Variants in TENM1 observed in about 807,000 individuals in gnomAD.
TENM1 encodes the protein teneurin-1.
In TENM1, 35 loss-of-function variants were observed where a neutral mutation model predicts 174.8. The ratio of observed to expected loss-of-function variants is 0.20; its 90% CI spans 0.15 to 0.27. The LOEUF (loss-of-function observed/expected upper bound fraction) is 0.27, where lower values mean the gene tolerates loss of function less well. Among genes scored for constraint, TENM1 ranks in the 10% least tolerant of loss-of-function variants. The probability of loss-of-function intolerance (pLI) is 1.00; values close to 1 mark genes in which losing one functional copy is unlikely to be tolerated. For missense variants in TENM1, 1,633 were observed against 2,130.1 expected (o/e 0.77, Z 4.59); for synonymous variants, 781 against 798.7 (o/e 0.98, Z 0.37).
chrX:124,876,612 AT>A (rs1408211686), intron 3 of TENM1, among the ~76,000 whole-genome samples: 2 of 112,111 alleles, frequency 1.8e-5, no homozygotes, highest in African/African-American at 6.5e-5. Flanking sequence ...TTTAAGTAGC[AT>A]TGAAATAATG....
the TENM1 span, among the ~76,000 whole-genome samples, chrX:125,147,141 GTA>G: frequency 1.0e-5 from 1 of 97,724 alleles, no homozygotes; most frequent in Non-Finnish European, 2.2e-5. Flanking sequence ...ACATATGTGT[GTA>G]TATATATCAC....
At chrX:124,463,191 G>C (rs772270296) in intron 22 of TENM1, among the ~76,000 whole-genome samples, 16 of 111,686 alleles carry the variant, frequency 1.4e-4, no homozygotes, top group Non-Finnish European at 2.8e-4. Flanking sequence ...AAGTGCCTCA[G>C]GATTTTTTTT....
chrX:124,966,630 C>G (rs2147828785), upstream of TENM1, among the ~76,000 whole-genome samples: 1 of 106,523 alleles, frequency 9.4e-6, no homozygotes, highest in Non-Finnish European at 1.9e-5. Context: ...CCACTGCACT[C>G]CAGCCTGGGC....
chrX:124,834,738 G>T (rs2056359200), intron 3 of TENM1, among the ~76,000 whole-genome samples: 1 of 111,860 alleles, frequency 8.9e-6, no homozygotes, highest in Non-Finnish European at 1.9e-5. Context: ...AGACTCTAAA[G>T]TTCATGCTCA....
At chrX:124,411,575 C>A (rs1440149315) in intron 25 of TENM1, among the ~76,000 whole-genome samples, 1 of 111,571 alleles carries the variant, frequency 9.0e-6, no homozygotes, top group Non-Finnish European at 1.9e-5. Flanking sequence ...TCTGCTAGTT[C>A]ACAGTTAAAG....
At chrX:124,755,386 GCC>G (rs1363311556) in intron 3 of TENM1, among the ~76,000 whole-genome samples, 2 of 111,194 alleles carry the variant, frequency 1.8e-5, no homozygotes, top group Non-Finnish European at 3.8e-5. Flanking sequence ...GTGTGTCTCT[GCC>G]TGTGAGATGG....
chrX:125,163,104 T>C, the TENM1 span, among the ~76,000 whole-genome samples: 1 of 111,754 alleles, frequency 8.9e-6, no homozygotes. Context: ...TTAAATGGTA[T>C]TACTGCCTCT....
chrX:124,415,591 A>G (rs1014245039), intron 25 of TENM1, among the ~76,000 whole-genome samples: 9 of 111,426 alleles, frequency 8.1e-5, no homozygotes, highest in Admixed American at 7.6e-4. Context: ...TTACTTCCCT[A>G]TTCTGGGTTT....
chrX:124,927,157 T>A (rs1376062530), intron 1 of TENM1, among the ~76,000 whole-genome samples: 1 of 112,073 alleles, frequency 8.9e-6, no homozygotes, highest in Non-Finnish European at 1.9e-5. Flanking sequence ...ACTATTTTCC[T>A]CATTTTAAAG....
chrX:124,836,854 GT>G (rs1048981610), intron 3 of TENM1, among the ~76,000 whole-genome samples: 20 of 111,763 alleles, frequency 1.8e-4, no homozygotes, highest in African/African-American at 6.5e-4. Flanking sequence ...CCACGGCTTT[GT>G]TTTTTTGAGT....
intron 4 of TENM1, among the ~76,000 whole-genome samples, chrX:124,709,077 G>A (rs192540813): frequency 5.4e-5 from 6 of 111,674 alleles, no homozygotes; most frequent in Admixed American, 9.5e-5. Context: ...GGAGTAGAGC[G>A]GTGATAATAG....
intron 11 of TENM1, among the ~76,000 whole-genome samples, chrX:124,615,398 A>G (rs1462323833): frequency 8.9e-6 from 1 of 111,857 alleles, no homozygotes; most frequent in East Asian, 2.8e-4. Context: ...TGACTGGGGA[A>G]ATTTGAGCAA....
chrX:124,962,077 T>C (rs1043627733), intron 1 of TENM1, among the ~76,000 whole-genome samples: 10 of 111,410 alleles, frequency 9.0e-5, no homozygotes, highest in African/African-American at 3.3e-4. Flanking sequence ...ACAAGGAAGA[T>C]GAGTGGGATT....
At chrX:125,078,988 G>A in the TENM1 span, among the ~76,000 whole-genome samples, 1 of 111,277 alleles carries the variant, frequency 9.0e-6, no homozygotes, top group Non-Finnish European at 1.9e-5. Flanking sequence ...ACTGACACCA[G>A]GAGCTTACGC....
Position 124,877,761 on chromosome X carries a change from T to C in TENM1, c.535+16535A>G, listed in dbSNP as rs777628183. Among the ~76,000 whole-genome samples, 6 of 111,418 alleles carry C rather than the reference T, an allele frequency of 5.4e-5. No individual in the cohort carries two copies. In the East Asian group the frequency reaches 1.7e-3, roughly 31 times the overall value. Reference sequence around the variant, plus strand: ...ATGCCGACTACCACACAGTCAGAAATCCATGCATAATTTTTGACTCCCCAA... The same window carrying C: ...ATGCCGACTACCACACAGTCAGAAACCCATGCATAATTTTTGACTCCCCAA... On this transcript the variant is annotated intron_variant, in intron 3 of 31. Transcript: ENST00000422452.
At chrX:124,575,246 C>T (rs1267126900) in intron 11 of TENM1, among the ~76,000 whole-genome samples, 1 of 111,838 alleles carries the variant, frequency 8.9e-6, no homozygotes, top group Non-Finnish European at 1.9e-5. Context: ...ATCACGTTTT[C>T]TATGCTTGAA....
In TENM1 at chrX:124,959,855, C is replaced by T. The variant is rs771992164; in HGVS notation, c.217+3682G>A. On this transcript the variant is annotated intron_variant, in intron 1 of 31. Transcript: ENST00000422452. ...TTATGAGGTTCTATCAATTCGAACA[C>T]ACTTATATCTCTTGAGTGTGTCTCT... Among the ~76,000 whole-genome samples the T allele has an allele frequency of 2.7e-5, 3 of 111,522 alleles. No homozygotes were observed. In the Admixed American group the frequency reaches 2.9e-4, roughly 11 times the overall value.
intron 15 of TENM1, among the ~76,000 whole-genome samples, chrX:124,532,128 C>T: frequency 8.9e-6 from 1 of 111,815 alleles, no homozygotes; most frequent in Non-Finnish European, 1.9e-5. Context: ...AAGCCTCCAC[C>T]AGTTAACAAG....
chrX:124,396,736 C>T (rs1250135385), intron 27 of TENM1, among the ~76,000 whole-genome samples: 1 of 111,719 alleles, frequency 9.0e-6, no homozygotes, highest in Non-Finnish European at 1.9e-5. Context: ...TGCTTGCTTT[C>T]CTGAAAGATG....
Sources: gnomAD v4.1 joint callset for allele counts (sites outside exome capture counted in the v4.1 genomes callset) on GRCh38, gnomAD v4.1.1 for gene constraint, MANE v1.5 for transcripts, NCBI Gene and HGNC (gene_info 2026-07-23, HGNC 2026-07-21) for gene names.